Variants in JMJD1C observed in about 807,000 individuals in gnomAD.
JMJD1C encodes the protein jumonji domain containing 1C.
Under a neutral mutation model 245.3 loss-of-function variants are expected in JMJD1C, and 31 were observed. The ratio of observed to expected loss-of-function variants is 0.13; its 90% CI spans 0.09 to 0.17. JMJD1C has a LOEUF of 0.17. Ranked by LOEUF, JMJD1C falls within the 10% of genes least tolerant of loss-of-function variation. The pLI is 1.00. For synonymous variants in JMJD1C, 1,057 were observed against 1,017.4 expected (o/e 1.04, Z -0.74); for missense variants, 2,691 against 3,000.2 (o/e 0.90, Z 2.41).
At chr10:63,421,263 G>A (rs1348376159) in intron 1 of JMJD1C, among the ~76,000 whole-genome samples, 1 of 152,238 alleles carries the variant, frequency 6.6e-6, no homozygotes, top group Non-Finnish European at 1.5e-5. Context: ...GAATCCGGGA[G>A]GCGGAGGTTG....
intron 2 of JMJD1C, among the ~76,000 whole-genome samples, chr10:63,316,950 C>G (rs532206925): frequency 6.6e-6 from 1 of 152,144 alleles, no homozygotes; most frequent in Non-Finnish European, 1.5e-5. Context: ...ACATCCACCC[C>G]CTGGGTTAGA....
chr10:63,500,607 C>T (rs1954515165), intron 1 of JMJD1C, among the ~76,000 whole-genome samples: 3 of 152,158 alleles, frequency 2.0e-5, no homozygotes, highest in Admixed American at 2.0e-4. Context: ...TGGCACACGC[C>T]TGTAATCCCA....
At chr10:63,450,005 T>C (rs905368501) in intron 1 of JMJD1C, among the ~76,000 whole-genome samples, 1 of 151,886 alleles carries the variant, frequency 6.6e-6, no homozygotes, top group Admixed American at 6.6e-5. Flanking sequence ...CCCAGTAACT[T>C]GGGAGGCTGA....
At chr10:63,497,418 C>G (rs539092094) in intron 1 of JMJD1C, among the ~76,000 whole-genome samples, 1 of 152,228 alleles carries the variant, frequency 6.6e-6, no homozygotes, top group South Asian at 2.1e-4. Flanking sequence ...TTATATGATT[C>G]CATTTATATG....
intron 2 of JMJD1C, among the ~76,000 whole-genome samples, chr10:63,323,747 G>A (rs1176600676): frequency 6.6e-6 from 1 of 152,130 alleles, no homozygotes; most frequent in African/African-American, 2.4e-5. Flanking sequence ...AAATGTCTTT[G>A]TATTAGAGTT....
intron 1 of JMJD1C, among the ~76,000 whole-genome samples, chr10:63,423,747 T>C (rs892998808): frequency 2.6e-5 from 4 of 152,366 alleles, no homozygotes; most frequent in East Asian, 3.9e-4. Context: ...TAAACCATTT[T>C]ACGTTCCCAT....
intron 2 of JMJD1C, among the ~76,000 whole-genome samples, chr10:63,346,153 C>T (rs1431514562): frequency 6.7e-6 from 1 of 149,404 alleles, no homozygotes; most frequent in Non-Finnish European, 1.5e-5. Context: ...AGAGATTCTC[C>T]TAACTTAGTC....
intron 3 of JMJD1C, among the ~76,000 whole-genome samples, chr10:63,259,842 T>A (rs1854467139): frequency 6.6e-6 from 1 of 152,230 alleles, no homozygotes; most frequent in Non-Finnish European, 1.5e-5. Context: ...GTCCATACTC[T>A]ACAATGATAG....
At chr10:63,399,226 A>C (rs1223899563) in intron 1 of JMJD1C, among the ~76,000 whole-genome samples, 2 of 152,272 alleles carry the variant, frequency 1.3e-5, no homozygotes, top group East Asian at 3.9e-4. Flanking sequence ...GTAGCTCCTA[A>C]GTCTTTTAGA....
intron 1 of JMJD1C, among the ~76,000 whole-genome samples, chr10:63,397,788 C>T (rs1309376684): frequency 1.3e-5 from 2 of 152,174 alleles, no homozygotes; most frequent in African/African-American, 2.4e-5. Context: ...CCTGCCTTGG[C>T]CTCCCAAAAT....
chr10:63,305,404 T>C (rs1418578734), intron 2 of JMJD1C, among the ~76,000 whole-genome samples: 10 of 146,052 alleles, frequency 6.8e-5, no homozygotes, highest in South Asian at 2.1e-4. Context: ...TGCAGTGAGC[T>C]CTAATTGTAC....
chr10:63,270,331 T>C (rs1417495978), intron 2 of JMJD1C, among the ~76,000 whole-genome samples: 1 of 151,986 alleles, frequency 6.6e-6, no homozygotes, highest in Non-Finnish European at 1.5e-5. Context: ...CAAGCCCAGC[T>C]AATTTTTGTA....
intron 1 of JMJD1C, chr10:63,521,602 C>T: frequency 7.2e-7 from 1 of 1,395,476 alleles, no homozygotes; most frequent in Non-Finnish European, 9.4e-7. Context: ...CTGCGCCCTG[C>T]AGCCGGCGCG....
At chr10:63,288,266 T>C (rs1021984121) in intron 2 of JMJD1C, among the ~76,000 whole-genome samples, 1 of 152,320 alleles carries the variant, frequency 6.6e-6, no homozygotes, top group Non-Finnish European at 1.5e-5. Flanking sequence ...CCTTTTCAGA[T>C]TGGCTTCTCT....
At chr10:63,200,370 C>CA in intron 11 of JMJD1C, 106 bp downstream of exon 11, 1 of 797,344 alleles carries the variant, frequency 1.3e-6, no homozygotes, top group Admixed American at 2.5e-5. Flanking sequence ...CATGGAGACT[C>CA]AAAGACTTAC....
At chr10:63,436,136 T>C (rs777929168) in intron 1 of JMJD1C, among the ~76,000 whole-genome samples, 61 of 152,308 alleles carry the variant, frequency 4.0e-4, no homozygotes, top group Middle Eastern at 3.4e-3. Flanking sequence ...TGAGAGATTA[T>C]ATGAGGAGGG....
rs961526088 is a variant in JMJD1C, at chr10:63,432,739, A to C, written c.168+32756T>G. On this transcript the variant is annotated intron_variant, in intron 1 of 25. Coordinates refer to ENST00000399262, the MANE Select transcript of JMJD1C (RefSeq NM_032776.3). ...CAAAAACTTGAAAAGATCAGATACA[A>C]GTTCATAATAAAAACACAGAGACCT... 3.9e-5 allele frequency among the ~76,000 whole-genome samples: 6 copies of C among 152,242 alleles called. 1 individual carries two copies. Among genetic ancestry groups the C allele is most frequent in the Non-Finnish European group, 8.8e-5 (6 of 68,036 alleles).
At chr10:63,183,409 A>G (rs773334062) in intron 22 of JMJD1C, 38 bp downstream of exon 22, 29 of 1,561,256 alleles carry the variant, frequency 1.9e-5, no homozygotes, top group Admixed American at 7.4e-5. Flanking sequence ...TGATTATTCA[A>G]CTCTTATTTC....
At chr10:63,287,474 G>A (rs945258480) in intron 2 of JMJD1C, among the ~76,000 whole-genome samples, 2 of 152,094 alleles carry the variant, frequency 1.3e-5, no homozygotes, top group African/African-American at 4.8e-5. Flanking sequence ...ACAAAACAAA[G>A]ACATTAGAAA....
Sources: allele counts gnomAD v4.1 joint callset (sites outside exome capture counted in the v4.1 genomes callset), GRCh38; gene constraint gnomAD v4.1.1; transcripts MANE v1.5; gene names NCBI Gene and HGNC (gene_info 2026-07-23, HGNC 2026-07-21).